Variants in TSEN15 observed in about 807,000 individuals in gnomAD.
TSEN15 encodes the protein tRNA splicing endonuclease subunit 15.
A neutral mutation model predicts 20.5 loss-of-function variants in TSEN15; 10 were observed. That is an observed-to-expected ratio of 0.49 (90% confidence interval 0.30 to 0.83). The LOEUF is 0.83. Ranked by LOEUF, TSEN15 falls within the 40% of genes least tolerant of loss-of-function variation. The pLI is 0.06. For synonymous variants in TSEN15, 72 were observed against 80.1 expected, an observed-to-expected ratio of 0.90 and a Z score of 0.54; for missense variants, 180 against 218.6, an observed-to-expected ratio of 0.82 and a Z score of 1.11.
chr1:184,095,815 T>C (rs1651440109), exon 4 of TSEN15: 3 of 398,370 alleles, frequency 7.5e-6, no homozygotes, highest in Non-Finnish European at 1.3e-5. Context: ...TGTCCAGAAC[T>C]GTGAGAAAAT....
exon 4 of TSEN15, chr1:184,095,832 C>A (rs1651440259): frequency 5.0e-6 from 2 of 398,362 alleles, no homozygotes; most frequent in African/African-American, 4.1e-5. Flanking sequence ...AAATAAATTT[C>A]TGTTGTTTAA....
chr1:184,058,726 T>A (rs913712200), intron 3 of TSEN15, among the ~76,000 whole-genome samples: 2 of 152,026 alleles, frequency 1.3e-5, no homozygotes, highest in Non-Finnish European at 2.9e-5. Context: ...GTCCTAAAAG[T>A]ATTTGGTGGG....
At chr1:184,083,963 G>A (rs932672951) in intron 3 of TSEN15, among the ~76,000 whole-genome samples, 1 of 151,908 alleles carries the variant, frequency 6.6e-6, no homozygotes, top group African/African-American at 2.4e-5. Context: ...TCCCATCATG[G>A]GCCTTATTAA....
intron 2 of TSEN15, 89 bp from the exon 3 acceptor site, chr1:184,054,639 T>C (rs1650176960): frequency 6.9e-7 from 1 of 1,445,398 alleles, no homozygotes. Context: ...ACGAGTGATA[T>C]TTGCTCAGCT....
chr1:184,078,242 G>T (rs1003696182), downstream of TSEN15, among the ~76,000 whole-genome samples: 18 of 152,106 alleles, frequency 1.2e-4, no homozygotes, highest in Admixed American at 5.9e-4. Context: ...ATGATCATTA[G>T]CCTCTTTCAC....
intron 3 of TSEN15, 68 bp from the exon 4 acceptor site, chr1:184,072,088 CT>C: frequency 6.8e-7 from 1 of 1,479,936 alleles, no homozygotes; most frequent in African/African-American, 1.4e-5. Context: ...TTTTCTAGTG[CT>C]TTCTTCTGTC....
At chr1:184,059,502 G>C (rs922370333) in intron 3 of TSEN15, among the ~76,000 whole-genome samples, 4 of 152,162 alleles carry the variant, frequency 2.6e-5, no homozygotes, top group Non-Finnish European at 5.9e-5. Context: ...CTAATGAATA[G>C]CCTTGTGAGT....
chr1:184,072,343 A>T, intron 4 of TSEN15, 45 bp downstream of exon 4: 1 of 1,553,176 alleles, frequency 6.4e-7, no homozygotes, highest in Non-Finnish European at 8.7e-7. Context: ...AAAAGAGGAA[A>T]ATTATGACGT....
At chr1:184,058,177 T>C (rs1183546527) in intron 3 of TSEN15, 2 of 429,350 alleles carry the variant, frequency 4.7e-6, no homozygotes, top group East Asian at 1.5e-4. Flanking sequence ...ATTAATGCTT[T>C]TCTAGCTTGA....
intron 3 of TSEN15, among the ~76,000 whole-genome samples, chr1:184,082,593 C>G (rs1441094300): frequency 6.6e-6 from 1 of 152,040 alleles, no homozygotes. Context: ...CTCCTCTGCA[C>G]CAGCAACTTT....
chr1:184,078,563 G>A (rs1035158540), downstream of TSEN15, among the ~76,000 whole-genome samples: 1 of 152,024 alleles, frequency 6.6e-6, no homozygotes, highest in African/African-American at 2.4e-5. Flanking sequence ...TAATCAGTGT[G>A]CCCTCTGTGC....
downstream of TSEN15, among the ~76,000 whole-genome samples, chr1:184,077,438 A>G (rs1651084684): frequency 6.6e-6 from 1 of 152,224 alleles, no homozygotes; most frequent in Non-Finnish European, 1.5e-5. Context: ...ATGGACATAT[A>G]CAAGGAGATT....
intron 3 of TSEN15, among the ~76,000 whole-genome samples, chr1:184,064,365 A>G (rs1230165453): frequency 2.0e-5 from 3 of 152,154 alleles, no homozygotes; most frequent in Non-Finnish European, 4.4e-5. Flanking sequence ...AAATTTGCCA[A>G]TAGTTCATTA....
chr1:184,084,121 G>A (rs938553593), intron 3 of TSEN15, among the ~76,000 whole-genome samples: 1 of 152,140 alleles, frequency 6.6e-6, no homozygotes, highest in Non-Finnish European at 1.5e-5. Context: ...GAAGGACAAA[G>A]TGTGTCCTTC....
intron 3 of TSEN15, among the ~76,000 whole-genome samples, chr1:184,062,738 G>C (rs1014060203): frequency 7.9e-5 from 12 of 151,662 alleles, no homozygotes; most frequent in Non-Finnish European, 1.5e-4. Flanking sequence ...CTACTGGTAG[G>C]GTTTTTTTTG....
chr1:184,079,207 T>G (rs533292387), downstream of TSEN15, among the ~76,000 whole-genome samples: 7 of 152,178 alleles, frequency 4.6e-5, no homozygotes, highest in Non-Finnish European at 1.0e-4. Context: ...TAGGTGGGTG[T>G]GCTATTATAA....
intron 3 of TSEN15, among the ~76,000 whole-genome samples, chr1:184,071,753 A>G (rs1650891488): frequency 6.6e-6 from 1 of 152,106 alleles, no homozygotes. Context: ...GAAAACAAAT[A>G]GCTAAATGGC....
chr1:184,068,298 A>C (rs1469334130), intron 3 of TSEN15, among the ~76,000 whole-genome samples: 2 of 152,084 alleles, frequency 1.3e-5, no homozygotes, highest in African/African-American at 2.4e-5. Context: ...GTAATTGAAA[A>C]ATATTTCCAC....
intron 3 of TSEN15, among the ~76,000 whole-genome samples, chr1:184,063,014 C>T (rs552355541): frequency 3.9e-5 from 6 of 152,190 alleles, no homozygotes; most frequent in African/African-American, 1.2e-4. Context: ...CTTAGTAATA[C>T]GTGAATCATT....
Sources: gnomAD v4.1 joint callset for allele counts (sites outside exome capture counted in the v4.1 genomes callset) on GRCh38, gnomAD v4.1.1 for gene constraint, MANE v1.5 for transcripts, NCBI Gene and HGNC (gene_info 2026-07-23, HGNC 2026-07-21) for gene names.